The following LPP variants were observed in gnomAD, a reference collection of about 807,000 sequenced individuals.
LPP encodes the protein lipoma-preferred partner.
LPP carries 38 observed loss-of-function variants against 60.4 expected under a neutral mutation model. That is an observed-to-expected ratio of 0.63 (90% CI 0.49 to 0.83). The LOEUF is 0.83. Ranked by LOEUF, LPP falls within the 40% of genes least tolerant of loss-of-function variation. The pLI, the probability that LPP is intolerant of heterozygous loss-of-function variation, is 0.00. For missense variants in LPP, 902 were observed against 783.6 expected (o/e 1.15, Z -1.80); for synonymous variants, 328 against 290.8 (o/e 1.13, Z -1.30).
Position 188,821,185 on chromosome 3 carries a change from C to A in LPP, c.1411-45015C>A, listed in dbSNP as rs6806490. On this transcript the variant is annotated intron_variant, in intron 9 of 11. Transcript: ENST00000617246. Reference sequence around the variant, plus strand: ...GTAACTTTTAGTTACAGGTTGAATTCTTTTGAATGTGTATATTTAAAATAA... The same window carrying A: ...GTAACTTTTAGTTACAGGTTGAATTATTTTGAATGTGTATATTTAAAATAA... 8.1e-3 allele frequency among the ~76,000 whole-genome samples: 1,220 copies of A among 151,020 alleles called. 15 individuals are homozygous for A. Among genetic ancestry groups the A allele is most frequent in the African/African-American group, 0.028 (1,154 of 41,070 alleles).
At chr3:188,763,622 TTTA>T (rs1258232636) in intron 9 of LPP, among the ~76,000 whole-genome samples, 1 of 152,174 alleles carries the variant, frequency 6.6e-6, no homozygotes, top group Non-Finnish European at 1.5e-5. Flanking sequence ...CTATTTTTTA[TTTA>T]TTAACATAAT....
intron 5 of LPP, among the ~76,000 whole-genome samples, chr3:188,490,510 G>A (rs1009305679): frequency 2.7e-5 from 4 of 150,204 alleles, no homozygotes; most frequent in South Asian, 2.1e-4. Context: ...TTATAAGCAC[G>A]CCCCACCAAG....
intron 2 of LPP, among the ~76,000 whole-genome samples, chr3:188,268,017 A>AC (rs1560178979): frequency 9.8e-6 from 1 of 102,346 alleles, no homozygotes; most frequent in Non-Finnish European, 2.0e-5. Context: ...ATTTTTAAGG[A>AC]TTTTTTTTTT....
At chr3:188,487,699 G>T (rs566606646) in intron 5 of LPP, among the ~76,000 whole-genome samples, 1 of 152,322 alleles carries the variant, frequency 6.6e-6, no homozygotes, top group African/African-American at 2.4e-5. Context: ...GCCCAGGTTT[G>T]TACCAGCTAT....
chr3:188,477,034 T>C (rs1274641708), intron 4 of LPP, among the ~76,000 whole-genome samples: 1 of 152,214 alleles, frequency 6.6e-6, no homozygotes, highest in African/African-American at 2.4e-5. Context: ...TCATAAGTGC[T>C]TGCTCTCCCT....
intron 6 of LPP, among the ~76,000 whole-genome samples, chr3:188,566,452 CT>C (rs1832192203): frequency 6.6e-6 from 1 of 151,848 alleles, no homozygotes; most frequent in Non-Finnish European, 1.5e-5. Flanking sequence ...CACCAAATAA[CT>C]CAGATTTAAA....
rs1452596573 is a variant in LPP at position 188,659,816 on chromosome 3, A to G, written c.1114-48451A>G. Among the ~76,000 whole-genome samples the G allele has an allele frequency of 2.4e-5, 3 of 125,520 alleles. No homozygotes were observed. In the East Asian group the frequency reaches 1.5e-3, roughly 62 times the overall value. The allele number at this position is 125,520 out of a possible 152,430, so 82.3% of individuals were successfully genotyped here. A position where few individuals can be genotyped will look rare whatever the true frequency, so the allele number is the denominator to read the frequency against. ...TTGTGGGGTTAGATCCTATGCACACACACACACACACACACACACACACAT... is the reference window on the plus strand; with the variant it reads ...TTGTGGGGTTAGATCCTATGCACACGCACACACACACACACACACACACAT... On this transcript the variant is annotated intron_variant, in intron 7 of 11. Transcript: ENST00000617246.
intron 8 of LPP, among the ~76,000 whole-genome samples, chr3:188,718,115 C>A (rs1235611277): frequency 6.6e-6 from 1 of 152,194 alleles, no homozygotes; most frequent in Admixed American, 6.5e-5. Flanking sequence ...AGCCACTGCA[C>A]CCGGCCTGGC....
chr3:188,766,303 C>T (rs751384611), intron 9 of LPP, among the ~76,000 whole-genome samples: 3 of 147,650 alleles, frequency 2.0e-5, no homozygotes, highest in Admixed American at 1.4e-4. Flanking sequence ...TATCACAGAA[C>T]CTGAAATGCT....
chr3:188,874,568 T>G lies in LPP; in HGVS notation c.*89T>G. 2.1e-5 allele frequency: 29 copies of G among 1,381,450 alleles called. No homozygotes were observed. The highest frequency in any genetic ancestry group is 2.9e-5 in the Non-Finnish European group (29 of 1,003,932). The allele number at this position is 1,381,450 out of a possible 1,614,324, so 85.6% of individuals were successfully genotyped here. ...GAGTAAAGGCCATCAAACTACGCGA[T>G]AGTCTCTGTTCTTCATCTGCTATTA... On this transcript the variant is annotated 3_prime_UTR_variant, in exon 12 of 12. Coordinates refer to ENST00000617246, the MANE Select transcript of LPP (RefSeq NM_001375462.1).
At chr3:188,477,477 A>C (rs1289123576) in intron 4 of LPP, among the ~76,000 whole-genome samples, 1 of 152,196 alleles carries the variant, frequency 6.6e-6, no homozygotes, top group Non-Finnish European at 1.5e-5. Flanking sequence ...TCATATTGTT[A>C]GTTCCAACCA....
intron 7 of LPP, among the ~76,000 whole-genome samples, chr3:188,612,525 A>G (rs1367421213): frequency 6.6e-6 from 1 of 152,138 alleles, no homozygotes; most frequent in African/African-American, 2.4e-5. Flanking sequence ...AGACCTCTTT[A>G]TGTCATGCTT....
chr3:188,637,596 AC>A (rs1342851346), intron 7 of LPP, among the ~76,000 whole-genome samples: 2 of 151,760 alleles, frequency 1.3e-5, no homozygotes, highest in African/African-American at 4.8e-5. Flanking sequence ...GAAAGGATCA[AC>A]AAAATTGATA....
chr3:188,714,584 G>C (rs1292165306), intron 8 of LPP, among the ~76,000 whole-genome samples: 1 of 150,452 alleles, frequency 6.6e-6, no homozygotes, highest in Non-Finnish European at 1.5e-5. Flanking sequence ...TGTCTCAGCT[G>C]GGTTTTTTTT....
chr3:188,552,002 AC>A, intron 6 of LPP, among the ~76,000 whole-genome samples: 1 of 58,870 alleles, frequency 1.7e-5, no homozygotes, highest in African/African-American at 3.8e-5. Flanking sequence ...ATTAACAACA[AC>A]AAACAAACAA....
At chr3:188,540,665 T>A (rs1824920815) in intron 6 of LPP, among the ~76,000 whole-genome samples, 1 of 152,220 alleles carries the variant, frequency 6.6e-6, no homozygotes, top group African/African-American at 2.4e-5. Context: ...TAATGAGGAC[T>A]AAATGAGTTT....
intron 6 of LPP, among the ~76,000 whole-genome samples, chr3:188,578,442 CTGACACTAATTTT>C (rs929456319): frequency 1.1e-4 from 17 of 152,164 alleles, no homozygotes; most frequent in African/African-American, 3.9e-4. Context: ...CCCTGCTATA[CTGACACTAATTTT>C]CATTTTATAA....
chr3:188,607,110 G>T (rs1450790796), intron 6 of LPP, among the ~76,000 whole-genome samples: 1 of 113,416 alleles, frequency 8.8e-6, no homozygotes, highest in Non-Finnish European at 1.8e-5. Flanking sequence ...TCTCTTTCTT[G>T]GTGAAGACAC....
chr3:188,291,164 T>C (rs926433779), intron 2 of LPP, among the ~76,000 whole-genome samples: 1 of 152,212 alleles, frequency 6.6e-6, no homozygotes, highest in Admixed American at 6.5e-5. Context: ...AATCTTTTAC[T>C]TTCTTGGGCT....
Sources: gnomAD v4.1 joint callset for allele counts (sites outside exome capture counted in the v4.1 genomes callset) on GRCh38, gnomAD v4.1.1 for gene constraint, MANE v1.5 for transcripts, NCBI Gene and HGNC (gene_info 2026-07-23, HGNC 2026-07-21) for gene names.